PRRC2B: variants seen among roughly 807,000 people sequenced by gnomAD.
PRRC2B encodes proline rich coiled-coil 2B, also known as protein PRRC2B.
A neutral mutation model predicts 242.3 loss-of-function variants in PRRC2B; 68 were observed. The ratio of observed to expected loss-of-function variants is 0.28; its 90% CI spans 0.23 to 0.34. PRRC2B has a LOEUF of 0.34. Among genes scored for constraint, PRRC2B ranks in the 10% least tolerant of loss-of-function variants. PRRC2B has a pLI of 1.00. For synonymous variants in PRRC2B, 1,228 were observed against 1,173.6 expected (o/e 1.05, Z -0.95); for missense variants, 2,835 against 2,954.8 (o/e 0.96, Z 0.94).
rs558580165 is a variant in PRRC2B, at chr9:131,472,536, G to A, written c.2108-972G>A. On this transcript the variant is annotated intron_variant, in intron 14 of 31. Transcript: ENST00000683519. ...CTGTCACCCAGGCTGGAGTGCAGTG[G>A]TGTGATCTCGGCCTACTGCAACCTC... is the stretch of plus-strand genomic sequence containing the variant. Among the ~76,000 whole-genome samples the A allele has an allele frequency of 8.1e-5, 12 of 148,666 alleles. No homozygotes were observed. In the East Asian group the frequency reaches 1.2e-3, roughly 15 times the overall value.
At chr9:131,431,659 T>A (rs987707282) in intron 2 of PRRC2B, among the ~76,000 whole-genome samples, 1 of 151,302 alleles carries the variant, frequency 6.6e-6, no homozygotes, top group African/African-American at 2.4e-5. Context: ...CAATCTCGGC[T>A]CACTGCAAGC....
At chr9:131,386,682 C>A (rs576381317) in intron 1 of PRRC2B, among the ~76,000 whole-genome samples, 1 of 150,188 alleles carries the variant, frequency 6.7e-6, no homozygotes, top group East Asian at 2.0e-4. Flanking sequence ...GGGCCAGACA[C>A]CCATTCTGCC....
chr9:131,417,123 C>T (rs537372194), intron 1 of PRRC2B, among the ~76,000 whole-genome samples: 1 of 152,070 alleles, frequency 6.6e-6, no homozygotes, highest in Non-Finnish European at 1.5e-5. Context: ...CTTTTCATTT[C>T]TTGAATCCCA....
At position 131,496,193 on chromosome 9, in the gene PRRC2B, G is replaced by A. The variant is rs1461834105; in HGVS notation, c.*319G>A. ...CTCCCTGCCTCCTCCCTGTCCTGCC[G>A]CGCAGCCAGGGCGCCTTCTCAGCAG... is the stretch of plus-strand genomic sequence containing the variant. On this transcript the variant is annotated 3_prime_UTR_variant, in exon 32 of 32. Transcript: ENST00000683519. 3 of 249,616 alleles carry A rather than the reference G, an allele frequency of 1.2e-5. No homozygotes were observed. Among genetic ancestry groups the A allele is most frequent in the South Asian group, 2.6e-4 (2 of 7,768 alleles). The allele number at this position is 249,616 out of a possible 1,614,324, so 15.5% of individuals were successfully genotyped here.
chr9:131,411,181 C>T (rs1016328599), intron 1 of PRRC2B, among the ~76,000 whole-genome samples: 59 of 151,596 alleles, frequency 3.9e-4, no homozygotes, highest in East Asian at 7.9e-4. Flanking sequence ...CGCCTGAACC[C>T]GGGAGGTGGA....
intron 1 of PRRC2B, among the ~76,000 whole-genome samples, chr9:131,424,560 C>T (rs917435791): frequency 1.3e-5 from 2 of 152,052 alleles, no homozygotes; most frequent in African/African-American, 2.4e-5. Flanking sequence ...GTGGCGCGCA[C>T]CTGTAATCCC....
chr9:131,498,820 C>G lies in PRRC2B; in HGVS notation c.*2946C>G, dbSNP rs901122026. ...GGGGATGCGGCTCGTTGCTCAGCCA[C>G]CAGTGGCCTTGCGGTATTGTCCACC... is the stretch of plus-strand genomic sequence containing the variant. On this transcript the variant is annotated 3_prime_UTR_variant, in exon 32 of 32. Transcript: ENST00000683519. 4.6e-5 allele frequency: 7 copies of G among 152,166 alleles called. No individual in the cohort carries two copies. The highest frequency in any genetic ancestry group is 1.4e-4 in the African/African-American group (6 of 41,432). The allele number at this position is 152,166 out of a possible 1,614,324, so 9.4% of individuals were successfully genotyped here. A position where few individuals can be genotyped will look rare whatever the true frequency, so the allele number is the denominator to read the frequency against.
chr9:131,479,317 C>G lies in PRRC2B; in HGVS notation c.4824C>G (p.Asn1608Lys). The G allele has an allele frequency of 6.2e-7, 1 of 1,613,902 alleles. No individual in the cohort carries two copies. The highest frequency in any genetic ancestry group is 1.7e-5 in the Admixed American group (1 of 60,020). The change falls in exon 19 of 32, where the codon AAC (asparagine) becomes AAG (lysine). Residue 1608 changes from asparagine (N) to lysine (K), a missense_variant. Transcript: ENST00000683519. ...IPPRFAKKQN[N>K]LCLEQGDVTV... ...CTCGATTTGCAAAAAAGCAGAACAACTTATGTCTGGAGCAAGGTGACGTGA... is the reference window on the plus strand; with the variant it reads ...CTCGATTTGCAAAAAAGCAGAACAAGTTATGTCTGGAGCAAGGTGACGTGA...
Position 131,492,204 on chromosome 9 carries a change from C to G in PRRC2B, c.6417C>G (p.Ala2139=). Residue 2139 remains alanine (A), a synonymous_variant, in exon 30 of 32, where the codon GCC becomes GCG. Coordinates refer to ENST00000683519, the MANE Select transcript of PRRC2B (RefSeq NM_013318.4). The part of the protein sequence containing the change: ...SQMEMKGFHF[A]DSKQNVPSGG... ...TGGAGATGAAAGGCTTCCACTTTGCCGACAGTAAACAGAATGTCCCTTCAG... is the reference window on the plus strand; with the variant it reads ...TGGAGATGAAAGGCTTCCACTTTGCGGACAGTAAACAGAATGTCCCTTCAG... The G allele has an allele frequency of 6.2e-7, 1 of 1,613,808 alleles. No individual in the cohort carries two copies. The highest frequency in any genetic ancestry group is 1.1e-5 in the South Asian group (1 of 91,072).
chr9:131,470,657 C>T (rs1382456159), intron 13 of PRRC2B, 131 bp from the exon 14 acceptor site: 3 of 680,962 alleles, frequency 4.4e-6, no homozygotes, highest in Admixed American at 2.8e-5. Flanking sequence ...GCCCATCCCT[C>T]CCCTCCTTGG....
chr9:131,420,458 T>TTTCGTTCGTTCG (rs1837780387), intron 1 of PRRC2B, among the ~76,000 whole-genome samples: 1 of 8,770 alleles, frequency 1.1e-4, no homozygotes, highest in Non-Finnish European at 5.2e-4. Flanking sequence ...TTTCTTTTTC[T>TTTCGTTCGTTCG]TTCTTTCTTT....
intron 6 of PRRC2B, among the ~76,000 whole-genome samples, chr9:131,444,667 C>T (rs887867580): frequency 6.6e-6 from 1 of 152,148 alleles, no homozygotes; most frequent in Non-Finnish European, 1.5e-5. Flanking sequence ...TCTAAAGCTC[C>T]CAATCCTAGC....
chr9:131,451,331 G>A (rs988968719), intron 9 of PRRC2B, among the ~76,000 whole-genome samples: 18 of 152,136 alleles, frequency 1.2e-4, no homozygotes, highest in East Asian at 1.2e-3. Flanking sequence ...CTCGGGAGGC[G>A]GAGGTTGCAA....
chr9:131,464,665 T>C, intron 11 of PRRC2B, 98 bp from the exon 12 acceptor site: 1 of 1,131,538 alleles, frequency 8.8e-7, no homozygotes, highest in Non-Finnish European at 1.2e-6. Context: ...TGAAGGTGCT[T>C]GAGGATCTTG....
chr9:131,469,530 T>C (rs1943483060), intron 13 of PRRC2B, among the ~76,000 whole-genome samples: 1 of 152,110 alleles, frequency 6.6e-6, no homozygotes, highest in African/African-American at 2.4e-5. Flanking sequence ...TATTGAGTGC[T>C]CTTAATAGGC....
intron 11 of PRRC2B, among the ~76,000 whole-genome samples, chr9:131,462,130 G>C (rs991306267): frequency 1.3e-5 from 2 of 152,068 alleles, no homozygotes; most frequent in African/African-American, 4.8e-5. Flanking sequence ...ACTCATAACA[G>C]CACTGTAAAT....
chr9:131,477,411 C>T (rs1230601118), intron 16 of PRRC2B, among the ~76,000 whole-genome samples: 1 of 152,246 alleles, frequency 6.6e-6, no homozygotes, highest in Non-Finnish European at 1.5e-5. Flanking sequence ...TCCGGCAGGG[C>T]AGTCCTGGAG....
In PRRC2B at chr9:131,474,839, A is replaced by G. The variant is rs375811503; in HGVS notation, c.2710A>G (p.Lys904Glu). ...GTAFNISSWD[K>E]NGSPNKQPSS... ...GGCCTTTAACATCTCCTCCTGGGAC[A>G]AGAACGGGAGCCCCAACAAACAGCC... is the stretch of plus-strand genomic sequence containing the variant. The change falls in exon 16 of 32, where the codon AAG (lysine) becomes GAG (glutamate). Residue 904 changes from lysine (K) to glutamate (E), a missense_variant. By Grantham distance (56) the Lys-to-Glu change is moderately conservative (BLOSUM62 1). This residue lies in a region of PRRC2B where 1,536 missense variants were observed against 1,483.1 expected (regional missense o/e 1.04). Coordinates refer to ENST00000683519, the MANE Select transcript of PRRC2B (RefSeq NM_013318.4). 1.5e-5 allele frequency: 24 copies of G among 1,610,836 alleles called. No individual in the cohort carries two copies. Among genetic ancestry groups the G allele is most frequent in the Non-Finnish European group, 2.0e-5 (23 of 1,179,124 alleles).
At chr9:131,448,700 C>G (rs978141673) in intron 9 of PRRC2B, among the ~76,000 whole-genome samples, 2 of 151,728 alleles carry the variant, frequency 1.3e-5, no homozygotes, top group South Asian at 2.1e-4. Context: ...GAACTACACG[C>G]GGGTGCCACA....
Sources: gnomAD v4.1 joint callset for allele counts (sites outside exome capture counted in the v4.1 genomes callset) on GRCh38, gnomAD v4.1.1 for gene constraint, gnomAD v4.1.1 regional missense constraint, MANE v1.5 for transcripts, NCBI Gene and HGNC (gene_info 2026-07-23, HGNC 2026-07-21) for gene names.